Variants in DRP2 observed in about 807,000 individuals in gnomAD.
DRP2 encodes the protein dystrophin related protein 2.
Under a neutral mutation model 78.2 loss-of-function variants are expected in DRP2, and 29 were observed. That is an observed-to-expected ratio of 0.37 (90% CI 0.28 to 0.51). The LOEUF is 0.51. Ranked by LOEUF, DRP2 falls within the 20% of genes least tolerant of loss-of-function variation. The probability of loss-of-function intolerance (pLI) is 0.94; values close to 1 mark genes in which losing one functional copy is unlikely to be tolerated. For synonymous variants in DRP2, 290 were observed against 281.9 expected (o/e 1.03, Z -0.29); for missense variants, 686 against 770.6 (o/e 0.89, Z 1.30).
intron 23 of DRP2, 99 bp from the exon 24 acceptor site, chrX:101,260,398 C>T: frequency 1.0e-5 from 11 of 1,068,241 alleles, no homozygotes; most frequent in East Asian, 3.0e-5. Flanking sequence ...GCAAATGCTG[C>T]GGGCAGGTCT....
rs143057116 is a variant in DRP2 at position 101,231,523 on chromosome X, G to A, written c.-63-62G>A. 5,128 of 633,725 alleles carry A rather than the reference G, an allele frequency of 8.1e-3. 183 individuals carry two copies. The African/African-American group carries it at 0.095, about 12-fold the overall frequency. 52.2% of individuals were successfully genotyped at this position (633,725 alleles called of 1,213,427 possible). On this transcript the variant is annotated intron_variant, in intron 2 of 23. Coordinates refer to ENST00000395209, the MANE Select transcript of DRP2 (RefSeq NM_001939.3). ...TATCTGGTCAAGGCACCTCTGGGTA[G>A]ATGCTTGATTCATAGGCTTTTCTAG...
At position 101,261,599 on chromosome X, in the gene DRP2, C is replaced by T. The variant is rs1056823716; in HGVS notation, c.*978C>T. The T allele has an allele frequency of 5.4e-5, 6 of 111,641 alleles. No homozygotes were observed. The highest frequency in any genetic ancestry group is 2.0e-4 in the African/African-American group (6 of 30,681). 9.2% of individuals were successfully genotyped at this position (111,641 alleles called of 1,213,427 possible). Reference sequence around the variant, plus strand: ...TCCAGGCTGTGACCCTTCTAGCTCTCAGGCTGAATCAGGTGAGGTGGCTGA... The same window carrying T: ...TCCAGGCTGTGACCCTTCTAGCTCTTAGGCTGAATCAGGTGAGGTGGCTGA... On this transcript the variant is annotated 3_prime_UTR_variant, in exon 24 of 24. Transcript: ENST00000395209.
chrX:101,250,408 C>T lies in DRP2; in HGVS notation c.1541-15C>T, dbSNP rs760856196. The T allele has an allele frequency of 8.3e-6, 10 of 1,209,304 alleles. No homozygotes were observed. Among genetic ancestry groups the T allele is most frequent in the African/African-American group, 5.3e-5 (3 of 57,078 alleles). ...CTGTGTCGGGGTTGGCCATTCTTGA[C>T]GGTGGGGCCAGCAGACCTCTTCAGC... On this transcript the variant is annotated splice_polypyrimidine_tract_variant and intron_variant, in intron 14 of 23. Coordinates refer to ENST00000395209, the MANE Select transcript of DRP2 (RefSeq NM_001939.3).
At chrX:101,238,499 G>A (rs1325512626) in intron 5 of DRP2, among the ~76,000 whole-genome samples, 1 of 106,376 alleles carries the variant, frequency 9.4e-6, no homozygotes, top group African/African-American at 3.4e-5. Flanking sequence ...GGAGGGAGGG[G>A]TGGGGCATGA....
intron 6 of DRP2, among the ~76,000 whole-genome samples, chrX:101,239,702 C>A (rs897602763): frequency 9.0e-6 from 1 of 111,475 alleles, no homozygotes; most frequent in Non-Finnish European, 1.9e-5. Flanking sequence ...CTCAGCCTCC[C>A]GAGTAGCTGG....
intron 1 of DRP2, among the ~76,000 whole-genome samples, chrX:101,224,207 T>TTTG (rs1922022075): frequency 4.5e-5 from 3 of 66,361 alleles, no homozygotes; most frequent in African/African-American, 1.7e-4. Flanking sequence ...TTTTTTTTTT[T>TTTG]TTTTTTTTTT....
At chrX:101,222,754 G>A (rs1275218487) in intron 1 of DRP2, among the ~76,000 whole-genome samples, 1 of 111,906 alleles carries the variant, frequency 8.9e-6, no homozygotes, top group East Asian at 2.8e-4. Context: ...GTGAAAATCA[G>A]GTTATTCACT....
chrX:101,235,715 G>A, intron 3 of DRP2, 145 bp from the exon 4 acceptor site: 1 of 584,365 alleles, frequency 1.7e-6, no homozygotes, highest in Non-Finnish European at 2.7e-6. Flanking sequence ...CTTCATCTCA[G>A]TCCCTGAACA....
chrX:101,221,192 T>C (rs1428133328), intron 1 of DRP2, among the ~76,000 whole-genome samples: 1 of 112,541 alleles, frequency 8.9e-6, no homozygotes. Context: ...GAACATACTT[T>C]TTAAAAATGT....
intron 21 of DRP2, among the ~76,000 whole-genome samples, chrX:101,256,470 T>TA (rs1923342014): frequency 8.9e-6 from 1 of 111,805 alleles, no homozygotes; most frequent in Non-Finnish European, 1.9e-5. Flanking sequence ...ATCAGGCATA[T>TA]AATGTGTTTG....
intron 11 of DRP2, 22 bp downstream of exon 11, chrX:101,245,471 A>G: frequency 8.5e-7 from 1 of 1,170,163 alleles, no homozygotes; most frequent in South Asian, 1.9e-5. Flanking sequence ...GGCTTCCTGT[A>G]TAGGGTGGGC....
intron 2 of DRP2, among the ~76,000 whole-genome samples, chrX:101,227,302 T>C (rs1922154544): frequency 8.9e-6 from 1 of 112,110 alleles, no homozygotes; most frequent in Non-Finnish European, 1.9e-5. Context: ...TTTCCTACAT[T>C]TGACCAGTTG....
chrX:101,226,258 A>C (rs1352771307), intron 2 of DRP2, among the ~76,000 whole-genome samples: 1 of 111,740 alleles, frequency 8.9e-6, no homozygotes, highest in Non-Finnish European at 1.9e-5. Context: ...TAGACGTTTA[A>C]GTTTTTGCAA....
intron 1 of DRP2, among the ~76,000 whole-genome samples, chrX:101,223,030 G>C (rs778358842): frequency 4.5e-5 from 5 of 110,960 alleles, no homozygotes; most frequent in Non-Finnish European, 9.4e-5. Context: ...TTTTCTCCCC[G>C]CCAAGAGACG....
At chrX:101,245,258 G>C (rs1922886034) in intron 10 of DRP2, 130 bp from the exon 11 acceptor site, 1 of 816,322 alleles carries the variant, frequency 1.2e-6, no homozygotes. Flanking sequence ...CTTGGGCTTT[G>C]GCATCTTGGG....
rs917342441 is a variant in DRP2, at chrX:101,258,698, T to TG, written c.2628+159dup. On this transcript the variant is annotated intron_variant, in intron 22 of 23. Transcript: ENST00000395209. Reference sequence around the variant, plus strand: ...TGAAGAGAACTGGGCCTGCGGTTGGTGGGGGGGCGGGGGAAAGAAGAGACT... The same window carrying TG: ...TGAAGAGAACTGGGCCTGCGGTTGGTGGGGGGGGCGGGGGAAAGAAGAGACT... 5.9e-5 allele frequency: 22 copies of TG among 375,983 alleles called. No individual in the cohort carries two copies. In the Middle Eastern group the frequency reaches 2.4e-3, roughly 42 times the overall value. The allele number at this position is 375,983 out of a possible 1,213,427, so 31.0% of individuals were successfully genotyped here.
chrX:101,256,261 G>A lies in DRP2; in HGVS notation c.2390G>A (p.Arg797Gln), dbSNP rs780525649. Residue 797 changes from arginine to glutamine, a missense_variant and splice_region_variant, in exon 21 of 24, where the codon CGG becomes CAG. This residue lies in a region of DRP2 where 423 missense variants were observed against 531.5 expected (regional missense o/e 0.80). Coordinates refer to ENST00000395209, the MANE Select transcript of DRP2 (RefSeq NM_001939.3). The stretch of plus-strand genomic sequence containing the variant: ...CTGGCCCACTTGGAAGATGAGAACC[G>A]GTGGGTGTGATGATAGCAGAAATCT... ...KILAHLEDEN[R>Q]ILQGELRRLK... 1.0e-4 allele frequency: 120 copies of A among 1,176,931 alleles called. No homozygotes were observed. Among genetic ancestry groups the A allele is most frequent in the Admixed American group, 7.6e-4 (31 of 40,613 alleles).
chrX:101,248,056 TA>T (rs369935573), intron 12 of DRP2, 32 bp from the exon 13 acceptor site: 4 of 1,186,508 alleles, frequency 3.4e-6, no homozygotes, highest in African/African-American at 1.7e-5. Context: ...CTTTTGGCTA[TA>T]TTTTTTTTCT....
In DRP2 at chrX:101,248,229, C is replaced by T. The variant is rs148744696; in HGVS notation, c.1393C>T (p.Leu465=). ...ACGTTTGGAGGAGGAAAGAGGCATC[C>T]TGGTCAACGTGCCACTCTGTGTGGA... ...YERLEEERGI[L]VNVPLCVDMS... is the part of the protein sequence containing the mutation. Residue 465 remains leucine (L), a synonymous_variant, in exon 13 of 24, where the codon CTG becomes TTG. Coordinates refer to ENST00000395209, the MANE Select transcript of DRP2 (RefSeq NM_001939.3). The T allele has an allele frequency of 6.7e-5, 81 of 1,209,948 alleles. No homozygotes were observed. The African/African-American group carries it at 1.3e-3, about 20-fold the overall frequency.
Sources: gnomAD v4.1 joint callset for allele counts (sites outside exome capture counted in the v4.1 genomes callset) on GRCh38, gnomAD v4.1.1 for gene constraint, gnomAD v4.1.1 regional missense constraint, MANE v1.5 for transcripts, NCBI Gene and HGNC (gene_info 2026-07-23, HGNC 2026-07-21) for gene names.